LRCH2: variants seen among roughly 807,000 people sequenced by gnomAD.
LRCH2 encodes leucine-rich repeat and calponin homology domain-containing protein 2.
Under a neutral mutation model 68.9 loss-of-function variants are expected in LRCH2, and 38 were observed. The ratio of observed to expected loss-of-function variants is 0.55; its 90% CI spans 0.43 to 0.72. The LOEUF (loss-of-function observed/expected upper bound fraction) is 0.72, where lower values mean the gene tolerates loss of function less well. Among genes scored for constraint, LRCH2 ranks in the 30% least tolerant of loss-of-function variants. The pLI is 0.00. For synonymous variants in LRCH2, 191 were observed against 208.1 expected, an observed-to-expected ratio of 0.92 and a Z score of 0.71; for missense variants, 528 against 572.9, an observed-to-expected ratio of 0.92 and a Z score of 0.80.
intron 10 of LRCH2, 52 bp downstream of exon 10, chrX:115,165,353 A>G: frequency 1.1e-6 from 1 of 884,924 alleles, no homozygotes; most frequent in South Asian, 2.6e-5. Flanking sequence ...AGGAATATCT[A>G]ATGAATGGCT....
chrX:115,114,254 C>A (rs1325546805), intron 20 of LRCH2, among the ~76,000 whole-genome samples: 2 of 111,327 alleles, frequency 1.8e-5, no homozygotes, highest in African/African-American at 6.5e-5. Context: ...ACCCATTCTC[C>A]AAATACTAAT....
At chrX:115,187,154 G>T in intron 2 of LRCH2, among the ~76,000 whole-genome samples, 1 of 111,764 alleles carries the variant, frequency 8.9e-6, no homozygotes, top group East Asian at 2.8e-4. Flanking sequence ...GTGTAAAGTG[G>T]TTTCAGTTAA....
At chrX:115,177,754 G>A (rs1275210510) in intron 5 of LRCH2, among the ~76,000 whole-genome samples, 7 of 110,296 alleles carry the variant, frequency 6.3e-5, no homozygotes, top group East Asian at 2.9e-4. Context: ...TTTCAACCCC[G>A]CATGTATTAG....
intron 1 of LRCH2, among the ~76,000 whole-genome samples, chrX:115,232,268 G>A (rs1368441108): frequency 8.3e-5 from 9 of 108,540 alleles, no homozygotes; most frequent in African/African-American, 2.3e-4. Context: ...AAAAAAAAGA[G>A]GAAGAAGAAG....
chrX:115,183,602 G>A (rs1288024669), intron 3 of LRCH2, among the ~76,000 whole-genome samples: 5 of 110,899 alleles, frequency 4.5e-5, no homozygotes, highest in African/African-American at 9.8e-5. Flanking sequence ...GGCTGAGCAC[G>A]AGAATAGCCT....
intron 20 of LRCH2, among the ~76,000 whole-genome samples, chrX:115,121,785 T>C (rs1035745003): frequency 2.7e-5 from 3 of 112,273 alleles, no homozygotes. Context: ...GTTTACTTAC[T>C]TGAGGGAAGA....
At position 115,213,355 on chromosome X, in the gene LRCH2, G is replaced by A. The variant is rs782109314; in HGVS notation, c.349+20338C>T. Among the ~76,000 whole-genome samples the A allele has an allele frequency of 1.8e-5, 2 of 111,619 alleles. 1 individual carries two copies. The highest frequency in any genetic ancestry group is 7.6e-4 in the South Asian group (2 of 2,620). On this transcript the variant is annotated intron_variant, in intron 1 of 20. Coordinates refer to ENST00000317135, the MANE Select transcript of LRCH2 (RefSeq NM_020871.4). ...TTAATATCAAATTATCTGTCGTCCT[G>A]CATTTCCAGAGTCTGTGATAGAGGC...
rs199838194 is a variant in LRCH2, at chrX:115,191,729, G to A, written c.350-3359C>T. On this transcript the variant is annotated intron_variant, in intron 1 of 20. Coordinates refer to ENST00000317135, the MANE Select transcript of LRCH2 (RefSeq NM_020871.4). ...CGCTTGCCTGACGCCTACAGTGGGG[G>A]CCATGACAGTTCCAGCCGGAGCCAC... is the stretch of plus-strand genomic sequence containing the variant. 1.3e-3 allele frequency: 1,515 copies of A among 1,162,129 alleles called. 1 individual carries two copies. The highest frequency in any genetic ancestry group is 1.4e-3 in the Non-Finnish European group (1,248 of 871,770).
chrX:115,140,038 C>T (rs1002934371), intron 14 of LRCH2, among the ~76,000 whole-genome samples: 2 of 110,998 alleles, frequency 1.8e-5, no homozygotes, highest in Non-Finnish European at 3.8e-5. Flanking sequence ...TAAGGGAGTG[C>T]TTGCACCACT....
chrX:115,186,101 T>C (rs996267791), intron 2 of LRCH2, among the ~76,000 whole-genome samples: 2 of 112,122 alleles, frequency 1.8e-5, no homozygotes, highest in East Asian at 5.6e-4. Context: ...GGCTCACGCC[T>C]GTAATCCCAG....
chrX:115,157,402 TACAGAA>T (rs1411903969), intron 11 of LRCH2, among the ~76,000 whole-genome samples: 3 of 110,254 alleles, frequency 2.7e-5, no homozygotes, highest in Non-Finnish European at 5.7e-5. Context: ...GCCAAAAGAA[TACAGAA>T]ATGGATTTTA....
chrX:115,205,093 C>A (rs2072956258), intron 1 of LRCH2, among the ~76,000 whole-genome samples: 1 of 111,464 alleles, frequency 9.0e-6, no homozygotes, highest in African/African-American at 3.3e-5. Context: ...GAAGAAGAAG[C>A]AAGCACCTTC....
At chrX:115,115,454 G>T (rs1263809661) in intron 20 of LRCH2, among the ~76,000 whole-genome samples, 2 of 110,804 alleles carry the variant, frequency 1.8e-5, no homozygotes, top group East Asian at 5.6e-4. Flanking sequence ...ATGGGGAAAA[G>T]AAGAGTCTTA....
intron 1 of LRCH2, among the ~76,000 whole-genome samples, chrX:115,205,574 A>G (rs781827187): frequency 6.4e-4 from 72 of 112,299 alleles, no homozygotes; most frequent in African/African-American, 2.2e-3. Flanking sequence ...GCTGGAGAAA[A>G]GGAGTATGGG....
chrX:115,173,464 C>T (rs1251377321), intron 5 of LRCH2, among the ~76,000 whole-genome samples: 1 of 111,766 alleles, frequency 8.9e-6, no homozygotes, highest in African/African-American at 3.3e-5. Context: ...AGTAAACAAG[C>T]TATTTAGATA....
chrX:115,212,736 C>T (rs781913643), intron 1 of LRCH2, among the ~76,000 whole-genome samples: 276 of 109,131 alleles, frequency 2.5e-3, no homozygotes, highest in African/African-American at 8.4e-3. Context: ...TTTGGGAGGC[C>T]GAGGAGGGTG....
chrX:115,191,198 G>T, intron 1 of LRCH2: 1 of 1,158,828 alleles, frequency 8.6e-7, no homozygotes, highest in Non-Finnish European at 1.2e-6. Context: ...AACCGCTACG[G>T]AGGAGGAGGC....
chrX:115,156,693 C>G (rs2072477509), intron 11 of LRCH2, 26 bp from the exon 12 acceptor site: 1 of 987,220 alleles, frequency 1.0e-6, no homozygotes, highest in Non-Finnish European at 1.4e-6. Flanking sequence ...CACATTAATT[C>G]CCAAATCTAT....
chrX:115,131,024 A>C (rs1278445846), intron 14 of LRCH2, among the ~76,000 whole-genome samples: 1 of 111,231 alleles, frequency 9.0e-6, no homozygotes, highest in Non-Finnish European at 1.9e-5. Context: ...ATTATGTCCA[A>C]ATTTCTATGC....
Sources: gnomAD v4.1 joint callset for allele counts (sites outside exome capture counted in the v4.1 genomes callset) on GRCh38, gnomAD v4.1.1 for gene constraint, MANE v1.5 for transcripts, NCBI Gene and HGNC (gene_info 2026-07-23, HGNC 2026-07-21) for gene names.